Variants in DISC1 observed in about 807,000 individuals in gnomAD.
The protein encoded by DISC1 is disrupted in schizophrenia 1 protein.
Under a neutral mutation model 84.5 loss-of-function variants are expected in DISC1, and 57 were observed. The ratio of observed to expected loss-of-function variants is 0.67; its 90% CI spans 0.55 to 0.84. The LOEUF is 0.84. Ranked by LOEUF, DISC1 falls within the 40% of genes least tolerant of loss-of-function variation. The probability of loss-of-function intolerance (pLI) is 0.00; values close to 1 mark genes in which losing one functional copy is unlikely to be tolerated. For missense variants in DISC1, 1,000 were observed against 1,057.8 expected (o/e 0.95, Z 0.76); for synonymous variants, 411 against 415.2 (o/e 0.99, Z 0.12).
chr1:231,759,252 A>T (rs2075410649), intron 4 of DISC1, among the ~76,000 whole-genome samples: 1 of 152,178 alleles, frequency 6.6e-6, no homozygotes, highest in African/African-American at 2.4e-5. Flanking sequence ...CTAACACAGC[A>T]TTCAGTGTCA....
intron 3 of DISC1, among the ~76,000 whole-genome samples, chr1:231,715,868 C>G (rs1423662120): frequency 6.6e-6 from 1 of 152,196 alleles, no homozygotes. Context: ...GTAACTGTCT[C>G]TGTACCTCTG....
At chr1:232,001,040 C>T (rs1039901656) in intron 10 of DISC1, among the ~76,000 whole-genome samples, 1 of 152,068 alleles carries the variant, frequency 6.6e-6, no homozygotes, top group Non-Finnish European at 1.5e-5. Context: ...GTGATTGAGA[C>T]AAAAATTTTA....
intron 10 of DISC1, among the ~76,000 whole-genome samples, chr1:232,006,522 G>A (rs1558829878): frequency 6.6e-6 from 1 of 152,076 alleles, no homozygotes; most frequent in South Asian, 2.1e-4. Flanking sequence ...GTGATTTAGG[G>A]TATCTAGTGG....
chr1:231,973,048 C>CTT lies in DISC1; in HGVS notation c.2042+14175_2042+14176dup, dbSNP rs397934533. 2.7e-3 allele frequency among the ~76,000 whole-genome samples: 370 copies of CTT among 137,126 alleles called. 4 individuals are homozygous for CTT. The highest frequency in any genetic ancestry group is 8.8e-3 in the African/African-American group (327 of 37,324). The allele number at this position is 137,126 out of a possible 152,430, so 90.0% of individuals were successfully genotyped here. A position where few individuals can be genotyped will look rare whatever the true frequency, so the allele number is the denominator to read the frequency against. On this transcript the variant is annotated intron_variant, in intron 10 of 12. Transcript: ENST00000439617. The stretch of plus-strand genomic sequence containing the variant: ...TATACTAGTATGCCAATGTCTTGTT[C>CTT]TTTTTTTTTTTTTTTTGAGATGGAG...
chr1:231,948,579 A>T (rs976643601), intron 9 of DISC1, among the ~76,000 whole-genome samples: 1 of 151,974 alleles, frequency 6.6e-6, no homozygotes, highest in African/African-American at 2.4e-5. Flanking sequence ...TGTTCTGCAC[A>T]TGTACCCTAG....
rs532928612 is a variant in DISC1, at chr1:232,036,865, C to A, written c.*34C>A. On this transcript the variant is annotated 3_prime_UTR_variant, in exon 13 of 13. Transcript: ENST00000439617. ...GGGATGGGGGAGGGAGGTGGGCCAC[C>A]ATGTTTGGACCCGGGGGGCTGCTCT... The A allele has an allele frequency of 6.0e-5, 90 of 1,494,208 alleles. No individual in the cohort carries two copies. In the African/African-American group the frequency reaches 9.7e-4, roughly 16 times the overall value. 92.6% of individuals were successfully genotyped at this position (1,494,208 alleles called of 1,614,324 possible).
intron 11 of DISC1, among the ~76,000 whole-genome samples, chr1:232,018,977 A>G (rs1368578310): frequency 6.6e-6 from 1 of 152,200 alleles, no homozygotes; most frequent in Non-Finnish European, 1.5e-5. Flanking sequence ...ATCTCTTGGA[A>G]GTGTAGTCTG....
At chr1:231,690,341 T>C (rs2064844957) in intron 1 of DISC1, among the ~76,000 whole-genome samples, 1 of 152,188 alleles carries the variant, frequency 6.6e-6, no homozygotes, top group African/African-American at 2.4e-5. Flanking sequence ...CTTTCCCTGC[T>C]CAGTCGTTCG....
chr1:231,848,678 C>A (rs1471235733), intron 9 of DISC1, among the ~76,000 whole-genome samples: 1 of 152,168 alleles, frequency 6.6e-6, no homozygotes, highest in African/African-American at 2.4e-5. Flanking sequence ...CTCAGTTTGT[C>A]CAAAAAATAA....
intron 9 of DISC1, among the ~76,000 whole-genome samples, chr1:231,904,986 C>T (rs2088520218): frequency 6.6e-6 from 1 of 152,084 alleles, no homozygotes; most frequent in Non-Finnish European, 1.5e-5. Flanking sequence ...AATAAACACA[C>T]TGAAGGTTTG....
intron 9 of DISC1, among the ~76,000 whole-genome samples, chr1:231,945,709 C>A (rs564745324): frequency 6.6e-6 from 1 of 152,160 alleles, no homozygotes; most frequent in South Asian, 2.1e-4. Flanking sequence ...GACAGATAGA[C>A]CACTAGCCAG....
At chr1:231,991,346 G>A (rs951906935) in intron 10 of DISC1, among the ~76,000 whole-genome samples, 18 of 152,240 alleles carry the variant, frequency 1.2e-4, no homozygotes, top group Non-Finnish European at 1.5e-5. Context: ...TCTGGGTTGA[G>A]CTGCTGGAAT....
At chr1:231,733,440 G>C (rs1328165651) in intron 3 of DISC1, among the ~76,000 whole-genome samples, 1 of 145,864 alleles carries the variant, frequency 6.9e-6, no homozygotes, top group Non-Finnish European at 1.6e-5. Context: ...GAATGGTGGT[G>C]ATGGTGGTGA....
At chr1:231,653,524 G>A (rs1333154531) in intron 1 of DISC1, among the ~76,000 whole-genome samples, 1 of 152,200 alleles carries the variant, frequency 6.6e-6, no homozygotes, top group East Asian at 1.9e-4. Flanking sequence ...TGGCCAGAAT[G>A]TCACATGGCC....
At chr1:231,920,864 T>G (rs1270175398) in intron 9 of DISC1, among the ~76,000 whole-genome samples, 1 of 151,910 alleles carries the variant, frequency 6.6e-6, no homozygotes, top group East Asian at 1.9e-4. Context: ...TATTGGGTAA[T>G]GCTACCTGGT....
At chr1:231,837,149 G>C (rs2082684088) in intron 9 of DISC1, among the ~76,000 whole-genome samples, 1 of 152,024 alleles carries the variant, frequency 6.6e-6, no homozygotes, top group Non-Finnish European at 1.5e-5. Context: ...TATTAATCGT[G>C]AGCCCCAAAG....
rs1414106732 is a variant in DISC1 at position 231,910,386 on chromosome 1, A to T, written c.1982-48442A>T. ...TCTGGTATGTTGTGTCTTTGTTGTC[A>T]TTGGTTTCAAAGAACATCTTTATTT... On this transcript the variant is annotated intron_variant, in intron 9 of 12. Coordinates refer to ENST00000439617, the MANE Select transcript of DISC1 (RefSeq NM_018662.3). Among the ~76,000 whole-genome samples, 12 of 152,052 alleles carry T rather than the reference A, an allele frequency of 7.9e-5. No individual in the cohort carries two copies. The East Asian group carries it at 1.9e-3, about 24-fold the overall frequency.
At chr1:232,002,473 C>T (rs985274015) in intron 10 of DISC1, among the ~76,000 whole-genome samples, 1 of 152,006 alleles carries the variant, frequency 6.6e-6, no homozygotes, top group Non-Finnish European at 1.5e-5. Context: ...TAGGAGTATC[C>T]GAGATGTCTT....
chr1:231,741,669 C>T (rs757229616), intron 3 of DISC1, among the ~76,000 whole-genome samples: 9 of 152,068 alleles, frequency 5.9e-5, no homozygotes, highest in Non-Finnish European at 1.3e-4. Flanking sequence ...TTGGCAGGAC[C>T]GGAGGAGATA....
Sources: gnomAD v4.1 joint callset for allele counts (sites outside exome capture counted in the v4.1 genomes callset) on GRCh38, gnomAD v4.1.1 for gene constraint, MANE v1.5 for transcripts, NCBI Gene and HGNC (gene_info 2026-07-23, HGNC 2026-07-21) for gene names.